The following FHIP1A variants were observed in gnomAD, a reference collection of about 807,000 sequenced individuals.
FHIP1A encodes the protein FHF complex subunit HOOK-interacting protein 1A.
Under a neutral mutation model 88.6 loss-of-function variants are expected in FHIP1A, and 61 were observed. The ratio of observed to expected loss-of-function variants is 0.69; its 90% CI spans 0.56 to 0.85. The LOEUF is 0.85. Among genes scored for constraint, FHIP1A ranks in the 40% least tolerant of loss-of-function variants. The pLI, the probability that FHIP1A is intolerant of heterozygous loss-of-function variation, is 0.00. For synonymous variants in FHIP1A, 478 were observed against 496.0 expected (o/e 0.96, Z 0.48); for missense variants, 1,154 against 1,273.5 (o/e 0.91, Z 1.43).
At chr4:151,599,016 A>G (rs750213104) in intron 7 of FHIP1A, among the ~76,000 whole-genome samples, 1 of 152,174 alleles carries the variant, frequency 6.6e-6, no homozygotes, top group African/African-American at 2.4e-5. Context: ...GCAGATGTAC[A>G]TTACTTTTCT....
chr4:151,655,352 G>A lies in FHIP1A; in HGVS notation c.2552-880G>A, dbSNP rs116852999. The stretch of plus-strand genomic sequence containing the variant: ...TTTTTGGTTTTCCCCTGCCCTCAAT[G>A]AACTCAAAGCATATTAATTTTCTAG... On this transcript the variant is annotated intron_variant, in intron 11 of 13. Transcript: ENST00000435205. Among the ~76,000 whole-genome samples, 170 of 152,270 alleles carry A rather than the reference G, an allele frequency of 1.1e-3. 2 individuals are homozygous for A. The East Asian group carries it at 0.03, about 27-fold the overall frequency.
intron 3 of FHIP1A, among the ~76,000 whole-genome samples, chr4:151,490,217 T>C (rs1342772621): frequency 6.6e-6 from 1 of 152,082 alleles, no homozygotes; most frequent in Non-Finnish European, 1.5e-5. Context: ...ACCAGTGCAC[T>C]AAACAAAACT....
intron 2 of FHIP1A, among the ~76,000 whole-genome samples, chr4:151,456,072 A>G (rs1036554296): frequency 6.6e-6 from 1 of 151,978 alleles, no homozygotes; most frequent in African/African-American, 2.4e-5. Flanking sequence ...TCATCTATGG[A>G]AAAAAAAGCT....
At chr4:151,461,315 A>G (rs1729134624) in intron 2 of FHIP1A, among the ~76,000 whole-genome samples, 1 of 152,186 alleles carries the variant, frequency 6.6e-6, no homozygotes. Flanking sequence ...ATCTCTGGGA[A>G]TAGGAGAGGG....
At chr4:151,643,371 T>C (rs1736665253) in intron 9 of FHIP1A, among the ~76,000 whole-genome samples, 1 of 152,216 alleles carries the variant, frequency 6.6e-6, no homozygotes, top group Non-Finnish European at 1.5e-5. Context: ...ACACATGATA[T>C]TTTGATGCAT....
At chr4:151,530,730 G>A (rs924469434) in intron 3 of FHIP1A, among the ~76,000 whole-genome samples, 15 of 152,156 alleles carry the variant, frequency 9.9e-5, no homozygotes, top group Non-Finnish European at 1.9e-4. Flanking sequence ...CTAACAAACA[G>A]TATAGATTTT....
At chr4:151,561,804 G>A (rs559362099) in intron 3 of FHIP1A, among the ~76,000 whole-genome samples, 1 of 152,134 alleles carries the variant, frequency 6.6e-6, no homozygotes, top group South Asian at 2.1e-4. Context: ...TGATTCCTGT[G>A]CTGTACGTTC....
chr4:151,653,997 G>A (rs1578867581), intron 11 of FHIP1A, among the ~76,000 whole-genome samples: 2 of 152,076 alleles, frequency 1.3e-5, no homozygotes, highest in South Asian at 4.2e-4. Context: ...AAACACCTGC[G>A]GCTTCCTGAA....
intron 3 of FHIP1A, among the ~76,000 whole-genome samples, chr4:151,489,802 G>C (rs1730217688): frequency 6.6e-6 from 1 of 152,078 alleles, no homozygotes; most frequent in African/African-American, 2.4e-5. Context: ...CTCCTCAGTG[G>C]CCGCAGCAAA....
chr4:151,488,936 G>C (rs1730181065), intron 3 of FHIP1A, among the ~76,000 whole-genome samples: 1 of 152,174 alleles, frequency 6.6e-6, no homozygotes, highest in African/African-American at 2.4e-5. Flanking sequence ...ATGGCAGATA[G>C]GAGACAGGAT....
intron 7 of FHIP1A, 38 bp downstream of exon 7, chr4:151,588,964 T>A: frequency 7.6e-7 from 1 of 1,318,638 alleles, no homozygotes; most frequent in Non-Finnish European, 1.1e-6. Flanking sequence ...GTCTCTATAA[T>A]ACAAGTGATG....
At chr4:151,459,134 C>T (rs1288897058) in intron 2 of FHIP1A, among the ~76,000 whole-genome samples, 1 of 152,032 alleles carries the variant, frequency 6.6e-6, no homozygotes, top group African/African-American at 2.4e-5. Context: ...TGTGAGAGGG[C>T]TGCTTGCATA....
intron 1 of FHIP1A, among the ~76,000 whole-genome samples, chr4:151,426,094 A>G (rs547596068): frequency 6.6e-6 from 1 of 152,090 alleles, no homozygotes; most frequent in Admixed American, 6.6e-5. Flanking sequence ...ATTTGCTTTT[A>G]AAAAAACAAG....
At chr4:151,475,967 T>TTC (rs1489797833) in intron 2 of FHIP1A, among the ~76,000 whole-genome samples, 1 of 151,476 alleles carries the variant, frequency 6.6e-6, no homozygotes, top group African/African-American at 2.4e-5. Flanking sequence ...GTTCAAGCAA[T>TTC]TCTCCTGCCT....
intron 3 of FHIP1A, among the ~76,000 whole-genome samples, chr4:151,515,392 A>C (rs1430388491): frequency 6.6e-6 from 1 of 152,102 alleles, no homozygotes; most frequent in Non-Finnish European, 1.5e-5. Flanking sequence ...GAAAAGTGGC[A>C]CAAGACAGGG....
intron 2 of FHIP1A, among the ~76,000 whole-genome samples, chr4:151,468,300 AAAAAAAAAG>A (rs1296833591): frequency 1.3e-5 from 2 of 151,578 alleles, no homozygotes; most frequent in Non-Finnish European, 2.9e-5. Flanking sequence ...AAAAAAAAAA[AAAAAAAAAG>A]AATACAAATT....
intron 7 of FHIP1A, among the ~76,000 whole-genome samples, chr4:151,595,842 T>G (rs28884810): frequency 0.034 from 5,136 of 152,278 alleles, 299 homozygotes; most frequent in African/African-American, 0.12. Context: ...AGACTAGGAT[T>G]GCAACACTGC....
At chr4:151,614,361 C>G (rs112082368) in intron 7 of FHIP1A, among the ~76,000 whole-genome samples, 2,150 of 150,900 alleles carry the variant, frequency 0.014, 46 homozygotes, top group African/African-American at 0.045. Flanking sequence ...CCCAGCTACT[C>G]GGGAGGCTGA....
rs796401830 is a variant in FHIP1A at position 151,419,018 on chromosome 4, C to T, written c.-356+9553C>T. Among the ~76,000 whole-genome samples the T allele has an allele frequency of 5.3e-5, 8 of 152,144 alleles. No homozygotes were observed. In the South Asian group the frequency reaches 1.2e-3, roughly 24 times the overall value. ...CTCTGTTGCCTACTGGGTAATGACT[C>T]AACTCAAGGCGTGATGGTTAATTAA... On this transcript the variant is annotated intron_variant, in intron 1 of 13. Transcript: ENST00000435205.
Sources: gnomAD v4.1 joint callset for allele counts (sites outside exome capture counted in the v4.1 genomes callset) on GRCh38, gnomAD v4.1.1 for gene constraint, MANE v1.5 for transcripts, NCBI Gene and HGNC (gene_info 2026-07-23, HGNC 2026-07-21) for gene names.